ADARB2: variants seen among roughly 807,000 people sequenced by gnomAD.
The protein encoded by ADARB2 is inactive double-stranded RNA-specific editase B2.
In ADARB2, 25 loss-of-function variants were observed where a neutral mutation model predicts 62.2. The ratio of observed to expected loss-of-function variants is 0.40; its 90% CI spans 0.29 to 0.56. ADARB2 has a LOEUF of 0.56. Among genes scored for constraint, ADARB2 ranks in the 20% least tolerant of loss-of-function variants. The pLI, the probability that ADARB2 is intolerant of heterozygous loss-of-function variation, is 0.43. For missense variants in ADARB2, 1,071 were observed against 1,077.4 expected, an observed-to-expected ratio of 0.99 and a Z score of 0.08; for synonymous variants, 572 against 500.8, an observed-to-expected ratio of 1.14 and a Z score of -1.90.
At chr10:1,413,867 C>T (rs1034664133) in intron 1 of ADARB2, among the ~76,000 whole-genome samples, 24 of 152,308 alleles carry the variant, frequency 1.6e-4, no homozygotes, top group Admixed American at 1.2e-3. Context: ...AAAAGTTTTG[C>T]GATACCCAGT....
intron 1 of ADARB2, among the ~76,000 whole-genome samples, chr10:1,470,658 T>C (rs1047319518): frequency 6.6e-6 from 1 of 152,208 alleles, no homozygotes; most frequent in African/African-American, 2.4e-5. Context: ...TCATGTAGTG[T>C]AACGTGTAAA....
chr10:1,600,760 C>T (rs1833402124), intron 1 of ADARB2, among the ~76,000 whole-genome samples: 1 of 151,592 alleles, frequency 6.6e-6, no homozygotes, highest in South Asian at 2.1e-4. Context: ...CATTGATTTC[C>T]ACTCTCCCAT....
At chr10:1,462,470 C>T (rs115526653) in intron 1 of ADARB2, among the ~76,000 whole-genome samples, 3,368 of 152,372 alleles carry the variant, frequency 0.022, 125 homozygotes, top group African/African-American at 0.076. Context: ...TGGGATGAGG[C>T]TGGGGGCTTG....
intron 1 of ADARB2, among the ~76,000 whole-genome samples, chr10:1,484,385 C>T (rs941881051): frequency 6.6e-6 from 1 of 152,212 alleles, no homozygotes; most frequent in Non-Finnish European, 1.5e-5. Flanking sequence ...GACAGCTGAG[C>T]GTCCCTGTGC....
intron 1 of ADARB2, among the ~76,000 whole-genome samples, chr10:1,445,587 T>C (rs1830960525): frequency 6.6e-6 from 1 of 152,274 alleles, no homozygotes; most frequent in Non-Finnish European, 1.5e-5. Context: ...ATGTTGCATG[T>C]ACTCACTAGT....
intron 1 of ADARB2, among the ~76,000 whole-genome samples, chr10:1,568,400 G>A (rs1202385275): frequency 1.3e-5 from 2 of 152,216 alleles, no homozygotes; most frequent in Non-Finnish European, 2.9e-5. Flanking sequence ...CAGCTGCGGG[G>A]CCGTCTCCGC....
intron 1 of ADARB2, among the ~76,000 whole-genome samples, chr10:1,723,183 A>G (rs1371316411): frequency 6.6e-6 from 1 of 152,198 alleles, no homozygotes; most frequent in Non-Finnish European, 1.5e-5. Flanking sequence ...CACTGCTAAC[A>G]CACTGTTTCT....
chr10:1,496,601 A>G (rs1312453108), intron 1 of ADARB2, among the ~76,000 whole-genome samples: 1 of 152,024 alleles, frequency 6.6e-6, no homozygotes, highest in Non-Finnish European at 1.5e-5. Context: ...GATACTAATC[A>G]ATCTACCATT....
intron 1 of ADARB2, among the ~76,000 whole-genome samples, chr10:1,521,469 T>C (rs1832073454): frequency 6.6e-6 from 1 of 152,228 alleles, no homozygotes; most frequent in Non-Finnish European, 1.5e-5. Flanking sequence ...CCAGGGCTCT[T>C]TTAAAATTTA....
intron 1 of ADARB2, among the ~76,000 whole-genome samples, chr10:1,650,058 A>C (rs1198663133): frequency 6.6e-6 from 1 of 152,146 alleles, no homozygotes; most frequent in Admixed American, 6.5e-5. Context: ...AATATCCAAG[A>C]ACAAGTAGAC....
chr10:1,406,414 T>TG (rs1217821689), intron 1 of ADARB2, among the ~76,000 whole-genome samples: 2 of 152,150 alleles, frequency 1.3e-5, no homozygotes, highest in East Asian at 1.9e-4. Context: ...GAGAGTGGCC[T>TG]GGGGGACCTC....
intron 3 of ADARB2, among the ~76,000 whole-genome samples, chr10:1,342,603 A>G (rs1292280360): frequency 6.6e-6 from 1 of 152,080 alleles, no homozygotes; most frequent in African/African-American, 2.4e-5. Context: ...GTGGGGGTGG[A>G]AAGTCTCAGC....
rs1834119531 is a variant in ADARB2 at position 1,652,237 on chromosome 10, C to G, written c.100+84814G>C. ...CCTGGCCAGTGACAGCTCAGCATGGCTGCCCAGTCTCAGCTTTTAACTGGG... is the reference window on the plus strand; with the variant it reads ...CCTGGCCAGTGACAGCTCAGCATGGGTGCCCAGTCTCAGCTTTTAACTGGG... On this transcript the variant is annotated intron_variant, in intron 1 of 9. Coordinates refer to ENST00000381312, the MANE Select transcript of ADARB2 (RefSeq NM_018702.4). Among the ~76,000 whole-genome samples the G allele has an allele frequency of 2.0e-5, 3 of 152,256 alleles. No individual in the cohort carries two copies. In the South Asian group the frequency reaches 6.2e-4, roughly 31 times the overall value.
At chr10:1,437,164 G>A (rs886780529) in intron 1 of ADARB2, among the ~76,000 whole-genome samples, 6 of 152,058 alleles carry the variant, frequency 3.9e-5, no homozygotes, top group Admixed American at 2.0e-4. Context: ...TGTAAAAGAC[G>A]TAAATGGGAA....
intron 1 of ADARB2, among the ~76,000 whole-genome samples, chr10:1,385,230 T>A (rs1832515950): frequency 6.6e-6 from 1 of 151,858 alleles, no homozygotes; most frequent in Non-Finnish European, 1.5e-5. Flanking sequence ...CAGCAAATAA[T>A]GATAGAGTAA....
Position 1,462,815 on chromosome 10 carries a change from C to G in ADARB2, c.101-83655G>C, listed in dbSNP as rs762432318. On this transcript the variant is annotated intron_variant, in intron 1 of 9. Coordinates refer to ENST00000381312, the MANE Select transcript of ADARB2 (RefSeq NM_018702.4). The stretch of plus-strand genomic sequence containing the variant: ...TGCATGTGTATGTACATGTGTGTGT[C>G]TGTGTGTAGTGTGCATGTGTGTATG... 1.5e-4 allele frequency among the ~76,000 whole-genome samples: 22 copies of G among 151,562 alleles called. No individual in the cohort carries two copies. The South Asian group carries it at 1.7e-3, about 12-fold the overall frequency.
intron 1 of ADARB2, among the ~76,000 whole-genome samples, chr10:1,600,537 CT>C (rs1368596728): frequency 6.6e-6 from 1 of 151,904 alleles, no homozygotes; most frequent in Non-Finnish European, 1.5e-5. Flanking sequence ...TGGTGCGCCC[CT>C]GTAATCCCAG....
At chr10:1,335,510 G>A (rs2131835970) in intron 3 of ADARB2, among the ~76,000 whole-genome samples, 1 of 151,398 alleles carries the variant, frequency 6.6e-6, no homozygotes, top group Admixed American at 6.6e-5. Context: ...AGGACAGATG[G>A]ATGGATGGAT....
intron 6 of ADARB2, among the ~76,000 whole-genome samples, chr10:1,220,984 A>G (rs1398435659): frequency 6.6e-5 from 10 of 152,212 alleles, no homozygotes; most frequent in Non-Finnish European, 1.5e-4. Context: ...TGCCTTCTCC[A>G]CAGGCTCCCT....
Sources: gnomAD v4.1 joint callset for allele counts (sites outside exome capture counted in the v4.1 genomes callset) on GRCh38, gnomAD v4.1.1 for gene constraint, MANE v1.5 for transcripts, NCBI Gene and HGNC (gene_info 2026-07-23, HGNC 2026-07-21) for gene names.